Variants in CCDC91 observed in about 807,000 individuals in gnomAD.
The protein encoded by CCDC91 is coiled-coil domain-containing protein 91.
Under a neutral mutation model 63.2 loss-of-function variants are expected in CCDC91, and 48 were observed. The observed-to-expected ratio is 0.76, with a 90% CI of 0.60 to 0.97. The LOEUF is 0.97. Ranked by LOEUF, CCDC91 falls within the 50% of genes least tolerant of loss-of-function variation. CCDC91 has a pLI of 0.00. For synonymous variants in CCDC91, 167 were observed against 165.8 expected (o/e 1.01, Z -0.06); for missense variants, 500 against 494.6 (o/e 1.01, Z -0.10).
At chr12:28,365,450 T>C (rs979844311) in intron 7 of CCDC91, among the ~76,000 whole-genome samples, 1 of 152,198 alleles carries the variant, frequency 6.6e-6, no homozygotes, top group African/African-American at 2.4e-5. Flanking sequence ...AAAGTAATTT[T>C]TCATTAATAT....
chr12:28,501,674 TG>T (rs1459764650), intron 12 of CCDC91, among the ~76,000 whole-genome samples: 3 of 151,870 alleles, frequency 2.0e-5, no homozygotes, highest in Non-Finnish European at 2.9e-5. Context: ...TTCTCTTTTT[TG>T]GTTGTGTCTC....
At chr12:28,402,219 C>T (rs758883697) in intron 8 of CCDC91, among the ~76,000 whole-genome samples, 10 of 152,218 alleles carry the variant, frequency 6.6e-5, no homozygotes, top group Non-Finnish European at 1.2e-4. Flanking sequence ...CCAGAAATAT[C>T]GCTAGATATT....
rs536283308 is a variant in CCDC91 at position 28,524,850 on chromosome 12, T to C, written c.1216-24213T>C. ...GAGTGTTTGTCTTTCCAGGAATTTATCCATCTCCTCTAGGTTTTCTGGTTT... is the reference window on the plus strand; with the variant it reads ...GAGTGTTTGTCTTTCCAGGAATTTACCCATCTCCTCTAGGTTTTCTGGTTT... On this transcript the variant is annotated intron_variant, in intron 12 of 12. Coordinates refer to ENST00000536442, the MANE Select transcript of CCDC91 (RefSeq NM_018318.5). 3.3e-5 allele frequency among the ~76,000 whole-genome samples: 5 copies of C among 152,206 alleles called. No homozygotes were observed. The South Asian group carries it at 1.0e-3, about 32-fold the overall frequency.
At chr12:28,529,508 G>A (rs1355390062) in intron 12 of CCDC91, among the ~76,000 whole-genome samples, 1 of 152,144 alleles carries the variant, frequency 6.6e-6, no homozygotes, top group Non-Finnish European at 1.5e-5. Flanking sequence ...TGAGGCATTA[G>A]GAGCATGTTC....
At chr12:28,342,699 A>G (rs1365202340) in intron 6 of CCDC91, among the ~76,000 whole-genome samples, 6 of 152,110 alleles carry the variant, frequency 3.9e-5, no homozygotes, top group South Asian at 2.1e-4. Context: ...GATCTAGTGG[A>G]TAAGTATGGG....
Position 28,306,803 on chromosome 12 carries a change from A to G in CCDC91, c.329A>G (p.Glu110Gly). The change falls in exon 5 of 13, where the codon GAA becomes GGA. Residue 110 changes from glutamate to glycine, a missense_variant. Physicochemically the swap from Glu to Gly is moderately conservative, Grantham distance 98. Transcript: ENST00000536442. ...ISLFPLGLTD[E>G]KSNGTIALVD... is the part of the protein sequence containing the mutation. ...CTTTTTCCATTGGGTTTAACTGATG[A>G]AAAAAGTAATGGAACAATTGCCCTT... 1 of 1,612,062 alleles carries G rather than the reference A, an allele frequency of 6.2e-7. No individual in the cohort carries two copies. Among genetic ancestry groups the G allele is most frequent in the Non-Finnish European group, 8.5e-7 (1 of 1,178,586 alleles).
intron 6 of CCDC91, among the ~76,000 whole-genome samples, chr12:28,359,459 A>G (rs1320839102): frequency 6.6e-6 from 1 of 152,110 alleles, no homozygotes; most frequent in African/African-American, 2.4e-5. Flanking sequence ...AGTCTCTTCA[A>G]TTTTTAAATT....
chr12:28,529,294 A>C (rs1278580943), intron 12 of CCDC91, among the ~76,000 whole-genome samples: 1 of 152,230 alleles, frequency 6.6e-6, no homozygotes, highest in African/African-American at 2.4e-5. Context: ...TGCCTAGAAC[A>C]GCACACAGGT....
intron 6 of CCDC91, among the ~76,000 whole-genome samples, chr12:28,319,914 A>ACCTG (rs1247433434): frequency 2.0e-5 from 3 of 151,860 alleles, no homozygotes; most frequent in African/African-American, 7.2e-5. Flanking sequence ...TGCAGTACCT[A>ACCTG]CAGATGCAGA....
At chr12:28,242,262 A>G (rs186248298) in intron 1 of CCDC91, among the ~76,000 whole-genome samples, 1 of 152,140 alleles carries the variant, frequency 6.6e-6, no homozygotes, top group East Asian at 1.9e-4. Context: ...TTGACATGTG[A>G]CCCAGATGTC....
At chr12:28,401,485 A>G (rs1008170346) in intron 8 of CCDC91, among the ~76,000 whole-genome samples, 1 of 152,092 alleles carries the variant, frequency 6.6e-6, no homozygotes, top group Admixed American at 6.6e-5. Flanking sequence ...GGGTGGGGAC[A>G]CCATATCAGG....
chr12:28,330,724 G>A (rs1033863025), intron 6 of CCDC91, among the ~76,000 whole-genome samples: 19 of 152,144 alleles, frequency 1.2e-4, no homozygotes, highest in Non-Finnish European at 1.2e-4. Context: ...ACATTGAGGT[G>A]GCTGCTAAAA....
intron 12 of CCDC91, among the ~76,000 whole-genome samples, chr12:28,531,940 T>C (rs1199940840): frequency 1.3e-5 from 2 of 152,050 alleles, no homozygotes; most frequent in Non-Finnish European, 2.9e-5. Context: ...AGCAGGGTAA[T>C]GAATTAGTGA....
At chr12:28,195,777 A>G (rs904111421) in intron 1 of CCDC91, among the ~76,000 whole-genome samples, 1 of 152,208 alleles carries the variant, frequency 6.6e-6, no homozygotes, top group Non-Finnish European at 1.5e-5. Flanking sequence ...GAGAATTGAC[A>G]TCTTAAAAAT....
chr12:28,327,649 G>A (rs1182197503), intron 6 of CCDC91, among the ~76,000 whole-genome samples: 1 of 152,024 alleles, frequency 6.6e-6, no homozygotes, highest in Admixed American at 6.6e-5. Flanking sequence ...TTAAACCTTT[G>A]CTTCTAAACC....
intron 3 of CCDC91, among the ~76,000 whole-genome samples, chr12:28,294,687 C>T (rs1397720084): frequency 1.3e-5 from 2 of 151,962 alleles, no homozygotes; most frequent in South Asian, 2.1e-4. Flanking sequence ...TGGGTTCAAG[C>T]GATTCCCTTG....
chr12:28,245,123 T>C (rs1347899388), intron 1 of CCDC91, among the ~76,000 whole-genome samples: 1 of 152,086 alleles, frequency 6.6e-6, no homozygotes, highest in Non-Finnish European at 1.5e-5. Context: ...CCATGGTATA[T>C]CTTAGTTGTA....
chr12:28,509,684 A>G (rs1411066641), intron 12 of CCDC91, among the ~76,000 whole-genome samples: 1 of 151,950 alleles, frequency 6.6e-6, no homozygotes, highest in African/African-American at 2.4e-5. Flanking sequence ...ATTAAAAGAT[A>G]TGTGTGATAG....
intron 8 of CCDC91, among the ~76,000 whole-genome samples, chr12:28,399,816 A>G (rs760772812): frequency 1.3e-5 from 2 of 152,224 alleles, no homozygotes; most frequent in East Asian, 1.9e-4. Context: ...TCCAGCTCAC[A>G]CTGATGCAAA....
Sources: allele counts gnomAD v4.1 joint callset (sites outside exome capture counted in the v4.1 genomes callset), GRCh38; gene constraint gnomAD v4.1.1; transcripts MANE v1.5; gene names NCBI Gene and HGNC (gene_info 2026-07-23, HGNC 2026-07-21).